ATM: variants seen among roughly 807,000 people sequenced by gnomAD.
ATM encodes ATM serine/threonine kinase, also known as serine-protein kinase ATM.
Under a neutral mutation model 387.0 loss-of-function variants are expected in ATM, and 308 were observed. The ratio of observed to expected loss-of-function variants is 0.80; its 90% CI spans 0.73 to 0.87. The LOEUF (loss-of-function observed/expected upper bound fraction) is 0.87, where lower values mean the gene tolerates loss of function less well. Among genes scored for constraint, ATM ranks in the 40% least tolerant of loss-of-function variants. ATM has a pLI of 0.00. For synonymous variants in ATM, 1,156 were observed against 1,187.3 expected (o/e 0.97, Z 0.54); for missense variants, 3,312 against 3,560.9 (o/e 0.93, Z 1.78).
chr11:108,327,547 A>G, intron 47 of ATM, 98 bp from the exon 48 acceptor site: 1 of 1,002,986 alleles, frequency 1.0e-6, no homozygotes, highest in Non-Finnish European at 1.5e-6. Context: ...CCACCAAGGA[A>G]AAACATTTTT....
chr11:108,258,881 T>G, intron 15 of ATM, 105 bp from the exon 16 acceptor site: 1 of 884,262 alleles, frequency 1.1e-6, no homozygotes, highest in Non-Finnish European at 1.8e-6. Context: ...GCCCTAATAG[T>G]AAACTATTTA....
intron 51 of ATM, 131 bp from the exon 52 acceptor site, chr11:108,331,748 C>G (rs1250478512): frequency 3.1e-6 from 4 of 1,292,250 alleles, no homozygotes; most frequent in Non-Finnish European, 4.3e-6. Flanking sequence ...TTTTCTCACA[C>G]ATGCAGGCAT....
rs876660956 is a variant in ATM at position 108,287,698 on chromosome 11, C to T, written c.4092C>T (p.Asp1364=). 3 of 1,612,120 alleles carry T rather than the reference C, an allele frequency of 1.9e-6. No homozygotes were observed. Among genetic ancestry groups the T allele is most frequent in the South Asian group, 2.2e-5 (2 of 91,022 alleles). The change falls in exon 27 of 63, where the codon GAC becomes GAT. Residue 1364 remains aspartate, a synonymous_variant. Transcript: ENST00000675843. ...ATTCTAGTGCCAGTCAGAGCACTGA[C>T]CTCTGTGACTTTTCAGGGTATGTAC... The part of the protein sequence containing the change: ...PANSSASQST[D]LCDFSGDLDP...
At chr11:108,294,847 C>CT in intron 31 of ATM, 80 bp from the exon 32 acceptor site, 7 of 1,518,502 alleles carry the variant, frequency 4.6e-6, no homozygotes, top group Non-Finnish European at 6.4e-6. Context: ...TGGCACTTAA[C>CT]TAATTTTTTT....
rs2137350203 is a variant in ATM, at chr11:108,354,840, GAA to G, written c.8818_8819del (p.Asn2940LeufsTer15). On this transcript the variant is annotated frameshift_variant, in exon 61 of 63. Transcript: ENST00000675843. LOFTEE classifies it high-confidence loss of function. Reference sequence around the variant, plus strand: ...TGTGAGAAAACCATGGAAGTGATGAGAAACTCTCAGGAAACTCTGTTAACCAT... The same window carrying G: ...TGTGAGAAAACCATGGAAGTGATGAGACTCTCAGGAAACTCTGTTAACCAT... 1 of 1,613,862 alleles carries G rather than the reference GAA, an allele frequency of 6.2e-7. No individual in the cohort carries two copies. The highest frequency in any genetic ancestry group is 2.2e-5 in the East Asian group (1 of 44,868).
At chr11:108,313,100 C>A (rs1057478703) in intron 40 of ATM, among the ~76,000 whole-genome samples, 5 of 152,204 alleles carry the variant, frequency 3.3e-5, no homozygotes, top group African/African-American at 1.2e-4. Flanking sequence ...ACATTGAAAT[C>A]TCCTGGCATC....
At chr11:108,343,822 G>T (rs1192166114) in intron 57 of ATM, among the ~76,000 whole-genome samples, 1 of 152,038 alleles carries the variant, frequency 6.6e-6, no homozygotes, top group Non-Finnish European at 1.5e-5. Context: ...ACAAGATTAT[G>T]AAGTAATTTT....
At chr11:108,335,654 C>T (rs1404863988) in intron 55 of ATM, among the ~76,000 whole-genome samples, 191 bp from the exon 56 acceptor site, 4 of 152,130 alleles carry the variant, frequency 2.6e-5, no homozygotes, top group Non-Finnish European at 5.9e-5. Flanking sequence ...GGGAAACTTT[C>T]TAAATCAGTG....
chr11:108,237,798 C>G (rs2079351896), intron 5 of ATM, among the ~76,000 whole-genome samples: 4 of 150,586 alleles, frequency 2.7e-5, no homozygotes, highest in Admixed American at 2.6e-4. Context: ...GATTTTGATA[C>G]TAATTGCATT....
chr11:108,331,610 T>G (rs1220106242), intron 51 of ATM, 53 bp downstream of exon 51: 2 of 1,417,876 alleles, frequency 1.4e-6, no homozygotes, highest in African/African-American at 2.9e-5. Flanking sequence ...CTATTATTAC[T>G]ATATATTATA....
chr11:108,341,937 G>A (rs2087629828), intron 56 of ATM, among the ~76,000 whole-genome samples: 1 of 152,198 alleles, frequency 6.6e-6, no homozygotes, highest in South Asian at 2.1e-4. Context: ...AGGTGAAGAT[G>A]TATCTCTGGC....
intron 16 of ATM, 78 bp from the exon 17 acceptor site, chr11:108,267,093 G>T: frequency 6.9e-7 from 1 of 1,444,690 alleles, no homozygotes; most frequent in Admixed American, 1.8e-5. Context: ...ACTGTGCCCA[G>T]CCTGATTAGG....
At chr11:108,259,195 A>G in intron 16 of ATM, 120 bp downstream of exon 16, 1 of 933,344 alleles carries the variant, frequency 1.1e-6, no homozygotes, top group Non-Finnish European at 1.7e-6. Context: ...ATTTTTACAA[A>G]TGTGGAAATT....
chr11:108,261,302 G>A (rs996920434), intron 16 of ATM, among the ~76,000 whole-genome samples: 4 of 152,228 alleles, frequency 2.6e-5, no homozygotes, highest in Non-Finnish European at 5.9e-5. Flanking sequence ...CGGGCAGACT[G>A]CCTCCTCAAG....
At chr11:108,310,601 C>G (rs1177233075) in intron 39 of ATM, among the ~76,000 whole-genome samples, 1 of 151,908 alleles carries the variant, frequency 6.6e-6, no homozygotes, top group African/African-American at 2.4e-5. Flanking sequence ...CCATAATAGC[C>G]CTAGCATTGA....
At position 108,329,209 on chromosome 11, in the gene ATM, C is replaced by T. The variant is rs2136422492; in HGVS notation, c.7278C>T (p.Leu2426=). The part of the protein sequence containing the change: ...LLKRAKEEVG[L]LREHKIQTNR... The stretch of plus-strand genomic sequence containing the variant: ...AAAGAGCCAAAGAGGAAGTAGGTCT[C>T]CTTAGGGAACATAAAATTCAGACAA... Residue 2426 remains leucine (L), a synonymous_variant, in exon 49 of 63, where the codon CTC becomes CTT. Coordinates refer to ENST00000675843, the MANE Select transcript of ATM (RefSeq NM_000051.4). The T allele has an allele frequency of 5.6e-6, 9 of 1,613,776 alleles. No homozygotes were observed. The highest frequency in any genetic ancestry group is 7.6e-6 in the Non-Finnish European group (9 of 1,179,814).
chr11:108,262,110 T>A (rs1382891136), intron 16 of ATM, among the ~76,000 whole-genome samples: 1 of 151,728 alleles, frequency 6.6e-6, no homozygotes, highest in Non-Finnish European at 1.5e-5. Context: ...AGGCCAACAT[T>A]CAGATTCAGG....
chr11:108,346,038 C>A lies in ATM; in HGVS notation c.8584+130C>A, dbSNP rs970363487. On this transcript the variant is annotated intron_variant, in intron 58 of 62. Coordinates refer to ENST00000675843, the MANE Select transcript of ATM (RefSeq NM_000051.4). ...TAGTGATGATGTGGTTAGTAACCAA[C>A]CCATCTTCATTATTAAATCATATGT... is the stretch of plus-strand genomic sequence containing the variant. 1.3e-4 allele frequency: 129 copies of A among 967,458 alleles called. 1 individual carries two copies. Among genetic ancestry groups the A allele is most frequent in the African/African-American group, 1.8e-4 (11 of 61,472 alleles). The allele number at this position is 967,458 out of a possible 1,614,324, so 59.9% of individuals were successfully genotyped here. A position where few individuals can be genotyped will look rare whatever the true frequency, so the allele number is the denominator to read the frequency against.
intron 5 of ATM, chr11:108,236,056 G>GA: frequency 7.4e-6 from 4 of 537,900 alleles, no homozygotes; most frequent in South Asian, 4.1e-5. Context: ...TATCAGAGCC[G>GA]GAATTACAGT....
Sources: gnomAD v4.1 joint callset for allele counts (sites outside exome capture counted in the v4.1 genomes callset) on GRCh38, gnomAD v4.1.1 for gene constraint, MANE v1.5 for transcripts, NCBI Gene and HGNC (gene_info 2026-07-23, HGNC 2026-07-21) for gene names.